The following PDGFRA variants were observed in gnomAD, a reference collection of about 807,000 sequenced individuals.
The protein encoded by PDGFRA is platelet-derived growth factor receptor alpha.
A neutral mutation model predicts 121.5 loss-of-function variants in PDGFRA; 25 were observed. The observed-to-expected ratio is 0.21, with a 90% CI of 0.15 to 0.29. PDGFRA has a LOEUF of 0.29. Ranked by LOEUF, PDGFRA falls within the 10% of genes least tolerant of loss-of-function variation. The pLI, the probability that PDGFRA is intolerant of heterozygous loss-of-function variation, is 1.00. For synonymous variants in PDGFRA, 463 were observed against 494.8 expected (o/e 0.94, Z 0.85); for missense variants, 1,008 against 1,345.1 (o/e 0.75, Z 3.92).
rs866988382 is a variant in PDGFRA at position 54,273,706 on chromosome 4, C to G, written c.1534C>G (p.Arg512Gly). ...LAKNLLGAEN[R>G]ELKLVAPTLR... ...TAAGAATCTCCTTGGAGCTGAGAAC[C>G]GAGAGCTGAAGCTGGTGGCTCCCAG... Residue 512 changes from arginine (R) to glycine (G), a missense_variant, in exon 10 of 23, where the codon CGA becomes GGA. Physicochemically the swap from Arg to Gly is moderately radical, Grantham distance 125. This residue lies in a region of PDGFRA where 575 missense variants were observed against 701.8 expected (regional missense o/e 0.82). Transcript: ENST00000257290. 1 of 1,613,610 alleles carries G rather than the reference C, an allele frequency of 6.2e-7. No homozygotes were observed. The highest frequency in any genetic ancestry group is 8.5e-7 in the Non-Finnish European group (1 of 1,180,004).
chr4:54,274,475 C>T lies in PDGFRA; in HGVS notation c.1559-56C>T, dbSNP rs1423913048. The T allele has an allele frequency of 3.3e-6, 4 of 1,223,486 alleles. No individual in the cohort carries two copies. The African/African-American group carries it at 5.9e-5, about 18-fold the overall frequency. The allele number at this position is 1,223,486 out of a possible 1,614,324, so 75.8% of individuals were successfully genotyped here. A position where few individuals can be genotyped will look rare whatever the true frequency, so the allele number is the denominator to read the frequency against. On this transcript the variant is annotated intron_variant, in intron 10 of 22. Coordinates refer to ENST00000257290, the MANE Select transcript of PDGFRA (RefSeq NM_006206.6). ...AGACACAGCCACACTACCTTGCTGCCCCTGTGCATGTCTGCCAGGAAACTT... is the reference window on the plus strand; with the variant it reads ...AGACACAGCCACACTACCTTGCTGCTCCTGTGCATGTCTGCCAGGAAACTT...
intron 22 of PDGFRA, among the ~76,000 whole-genome samples, chr4:54,294,275 C>T (rs921692768): frequency 1.6e-4 from 24 of 151,846 alleles, no homozygotes; most frequent in African/African-American, 5.3e-4. Flanking sequence ...GAATCTAGGG[C>T]TCTCTGTCTC....
At chr4:54,264,029 T>G in intron 4 of PDGFRA, 102 bp downstream of exon 4, 1 of 1,026,086 alleles carries the variant, frequency 9.7e-7, no homozygotes, top group Non-Finnish European at 1.4e-6. Flanking sequence ...TCACTGGTGA[T>G]CCTAAATTCT....
At chr4:54,290,863 T>C (rs1724597194) in intron 22 of PDGFRA, among the ~76,000 whole-genome samples, 1 of 152,054 alleles carries the variant, frequency 6.6e-6, no homozygotes, top group Non-Finnish European at 1.5e-5. Context: ...ATTACTGAGA[T>C]CATATAAGCC....
At chr4:54,284,553 TGAGAGAGAGACAG>T (rs1381371141) in intron 16 of PDGFRA, among the ~76,000 whole-genome samples, 5 of 72,886 alleles carry the variant, frequency 6.9e-5, no homozygotes, top group Non-Finnish European at 1.5e-4. Context: ...CAGGAGCAAG[TGAGAGAGAGACAG>T]AGAGAGAGAG....
At chr4:54,250,915 A>G (rs551771486) in intron 1 of PDGFRA, among the ~76,000 whole-genome samples, 1 of 152,070 alleles carries the variant, frequency 6.6e-6, no homozygotes, top group East Asian at 1.9e-4. Flanking sequence ...AAATACAAAA[A>G]TCAGTCAGGC....
intron 16 of PDGFRA, among the ~76,000 whole-genome samples, chr4:54,282,237 T>C (rs1724116484): frequency 6.6e-6 from 1 of 152,108 alleles, no homozygotes; most frequent in African/African-American, 2.4e-5. Context: ...TGAGACTGGG[T>C]AATTTATAAG....
rs61735626 is a variant in PDGFRA, at chr4:54,280,389, C to T, written c.2230C>T (p.Pro744Ser). 683 of 1,611,340 alleles carry T rather than the reference C, an allele frequency of 4.2e-4. 4 individuals are homozygous for T. In the African/African-American group the frequency reaches 8.0e-3, roughly 19 times the overall value. ...GCAGGCTGATACTACACAGTATGTCCCCATGCTAGAAAGGAAAGAGGTTTC... is the reference window on the plus strand; with the variant it reads ...GCAGGCTGATACTACACAGTATGTCTCCATGCTAGAAAGGAAAGAGGTTTC... The part of the protein sequence containing the change: ...MKQADTTQYV[P>S]MLERKEVSKY... The change falls in exon 16 of 23, where the codon CCC (proline) becomes TCC (serine). Residue 744 changes from proline to serine, a missense_variant. Pro to Ser is a moderately conservative substitution (Grantham distance 74, BLOSUM62 -1). Transcript: ENST00000257290.
intron 12 of PDGFRA, 67 bp downstream of exon 12, chr4:54,275,040 C>T (rs1193532385): frequency 6.4e-7 from 1 of 1,556,696 alleles, no homozygotes. Flanking sequence ...AATTTATAGG[C>T]CTTGGCAGAA....
At chr4:54,270,493 G>C in intron 7 of PDGFRA, 140 bp from the exon 8 acceptor site, 1 of 635,376 alleles carries the variant, frequency 1.6e-6, no homozygotes, top group Non-Finnish European at 2.8e-6. Context: ...GAGAATTCCA[G>C]AAGAGATGAT....
At chr4:54,254,638 C>T (rs1269722309) in intron 1 of PDGFRA, among the ~76,000 whole-genome samples, 3 of 152,198 alleles carry the variant, frequency 2.0e-5, no homozygotes, top group South Asian at 2.1e-4. Context: ...AAAGCCACGA[C>T]GACATCAAGC....
chr4:54,267,979 A>G (rs1002259627), intron 7 of PDGFRA, among the ~76,000 whole-genome samples: 5 of 152,230 alleles, frequency 3.3e-5, no homozygotes, highest in African/African-American at 4.8e-5. Flanking sequence ...CCCCTGGGGA[A>G]AGACAGGTCA....
At chr4:54,255,124 T>C (rs1722288624) in intron 1 of PDGFRA, among the ~76,000 whole-genome samples, 1 of 152,156 alleles carries the variant, frequency 6.6e-6, no homozygotes. Context: ...TGACCTTGGG[T>C]CATTTGCGAA....
At chr4:54,260,942 T>C (rs1051295844) in intron 2 of PDGFRA, among the ~76,000 whole-genome samples, 153 bp from the exon 3 acceptor site, 8 of 152,110 alleles carry the variant, frequency 5.3e-5, no homozygotes, top group African/African-American at 1.7e-4. Context: ...GTGGCTGTTA[T>C]AATGGGGGAG....
intron 22 of PDGFRA, among the ~76,000 whole-genome samples, chr4:54,294,240 C>T (rs924165328): frequency 1.3e-5 from 2 of 151,750 alleles, no homozygotes; most frequent in South Asian, 2.1e-4. Flanking sequence ...TGGAACTTCA[C>T]GGGGGTCGGG....
chr4:54,261,559 G>C, intron 3 of PDGFRA, 147 bp downstream of exon 3: 1 of 584,450 alleles, frequency 1.7e-6, no homozygotes, highest in Non-Finnish European at 3.0e-6. Flanking sequence ...AAAATCATTT[G>C]TAATATTATC....
intron 1 of PDGFRA, among the ~76,000 whole-genome samples, chr4:54,254,483 G>T (rs1469256058): frequency 6.6e-6 from 1 of 152,208 alleles, no homozygotes; most frequent in African/African-American, 2.4e-5. Context: ...GATGCACACA[G>T]GGAAATCTGG....
At chr4:54,290,640 C>G in intron 22 of PDGFRA, 86 bp downstream of exon 22, 1 of 1,468,850 alleles carries the variant, frequency 6.8e-7, no homozygotes, top group Non-Finnish European at 9.5e-7. Context: ...GATAATGGTG[C>G]ACTCCCGGTT....
intron 22 of PDGFRA, among the ~76,000 whole-genome samples, chr4:54,293,429 C>CTTTT (rs35064429): frequency 2.1e-4 from 24 of 116,122 alleles, no homozygotes; most frequent in Middle Eastern, 6.1e-3. Flanking sequence ...CCTAGAATTT[C>CTTTT]TTTTTTTTTT....
Sources: gnomAD v4.1 joint callset for allele counts (sites outside exome capture counted in the v4.1 genomes callset) on GRCh38, gnomAD v4.1.1 for gene constraint, gnomAD v4.1.1 regional missense constraint, MANE v1.5 for transcripts, NCBI Gene and HGNC (gene_info 2026-07-23, HGNC 2026-07-21) for gene names.